The following ELP1 variants were observed in gnomAD, a reference collection of about 807,000 sequenced individuals.
The protein encoded by ELP1 is elongator acetyltransferase complex subunit 1.
In ELP1, 131 loss-of-function variants were observed where a neutral mutation model predicts 183.2. That is an observed-to-expected ratio of 0.72 (90% CI 0.62 to 0.83). The LOEUF (loss-of-function observed/expected upper bound fraction) is 0.83, where lower values mean the gene tolerates loss of function less well. ELP1 is among the 40% of genes least tolerant of loss of function. The pLI, the probability that ELP1 is intolerant of heterozygous loss-of-function variation, is 0.00. For synonymous variants in ELP1, 555 were observed against 569.0 expected, an observed-to-expected ratio of 0.98 and a Z score of 0.35; for missense variants, 1,550 against 1,594.9, an observed-to-expected ratio of 0.97 and a Z score of 0.48.
chr9:108,930,230 G>A (rs984755851), intron 2 of ELP1, among the ~76,000 whole-genome samples: 2 of 152,080 alleles, frequency 1.3e-5, no homozygotes, highest in African/African-American at 4.8e-5. Context: ...TATAGTATGG[G>A]GAAAAGGCAC....
intron 13 of ELP1, 25 bp downstream of exon 13, chr9:108,908,280 A>G (rs1370250345): frequency 1.9e-6 from 3 of 1,550,774 alleles, no homozygotes; most frequent in Non-Finnish European, 8.9e-7. Flanking sequence ...CTGTTCCCAG[A>G]AGCCCAAGAT....
intron 5 of ELP1, among the ~76,000 whole-genome samples, chr9:108,926,013 T>A (rs1255602999): frequency 6.6e-6 from 1 of 152,212 alleles, no homozygotes; most frequent in Non-Finnish European, 1.5e-5. Context: ...AGCTACTTTG[T>A]GACTTCAAGA....
chr9:108,880,880 G>C (rs1466404119), intron 31 of ELP1, among the ~76,000 whole-genome samples: 1 of 152,198 alleles, frequency 6.6e-6, no homozygotes, highest in Non-Finnish European at 1.5e-5. Flanking sequence ...GATGGAGGAA[G>C]GGGGTGCAGA....
chr9:108,931,643 C>G (rs1250138050), intron 1 of ELP1, among the ~76,000 whole-genome samples: 1 of 152,166 alleles, frequency 6.6e-6, no homozygotes. Context: ...TGAAGAGAAT[C>G]TGAAATGACT....
chr9:108,921,656 TG>T (rs1392247256), intron 6 of ELP1, among the ~76,000 whole-genome samples: 1 of 152,136 alleles, frequency 6.6e-6, no homozygotes, highest in Non-Finnish European at 1.5e-5. Flanking sequence ...GCAGTTGTAG[TG>T]GATCACCCCC....
chr9:108,880,231 G>A (rs907873245), intron 31 of ELP1, 66 bp from the exon 32 acceptor site: 5 of 1,060,246 alleles, frequency 4.7e-6, no homozygotes, highest in Non-Finnish European at 7.4e-6. Flanking sequence ...ACTAAAGGCG[G>A]GGAGCAGTGA....
At chr9:108,917,813 T>C in intron 8 of ELP1, 143 bp from the exon 9 acceptor site, 1 of 928,108 alleles carries the variant, frequency 1.1e-6, no homozygotes, top group Non-Finnish European at 1.7e-6. Flanking sequence ...AAGTTTTAAA[T>C]CCCATGTGTC....
In ELP1 at chr9:108,874,887, A is replaced by G. The variant is rs1419758592; in HGVS notation, c.3931+8T>C. ...GTATTGTAATATTAAATGAGAAAAA[A>G]TACTAACCAAGAACAGGAACCGAAG... is the stretch of plus-strand genomic sequence containing the variant. On this transcript the variant is annotated splice_region_variant and intron_variant, in intron 36 of 36. Transcript: ENST00000374647. The G allele has an allele frequency of 1.5e-5, 24 of 1,580,924 alleles. No individual in the cohort carries two copies. Among genetic ancestry groups the G allele is most frequent in the Non-Finnish European group, 2.0e-5 (23 of 1,150,086 alleles).
At chr9:108,900,576 C>T (rs1388577610) in intron 18 of ELP1, among the ~76,000 whole-genome samples, 1 of 152,210 alleles carries the variant, frequency 6.6e-6, no homozygotes, top group African/African-American at 2.4e-5. Flanking sequence ...TCTTACAGAG[C>T]CCTCATGCAC....
intron 18 of ELP1, 61 bp from the exon 19 acceptor site, chr9:108,900,436 C>T: frequency 8.9e-7 from 1 of 1,119,346 alleles, no homozygotes; most frequent in South Asian, 1.2e-5. Flanking sequence ...CCATTAACTG[C>T]AATTGAAACC....
At chr9:108,929,260 A>C (rs137862021) in intron 3 of ELP1, among the ~76,000 whole-genome samples, 1 of 152,246 alleles carries the variant, frequency 6.6e-6, no homozygotes, top group East Asian at 1.9e-4. Flanking sequence ...TCAACTATAC[A>C]CTAAAGTAGA....
chr9:108,873,212 C>G (rs1827554914), intron 36 of ELP1, among the ~76,000 whole-genome samples: 1 of 152,164 alleles, frequency 6.6e-6, no homozygotes, highest in Non-Finnish European at 1.5e-5. Flanking sequence ...TTATGTAATA[C>G]TAAATTTTTG....
rs1417685633 is a variant in ELP1 at position 108,927,463 on chromosome 9, A to T, written c.304-10T>A. ...TCCCAACACACTCCAGCTGAGACAG[A>T]GAAAATTGAAAAGAGAGATTCAAAC... On this transcript the variant is annotated splice_polypyrimidine_tract_variant and intron_variant, in intron 3 of 36. Transcript: ENST00000374647. 3.1e-6 allele frequency: 5 copies of T among 1,608,836 alleles called. No individual in the cohort carries two copies. Among genetic ancestry groups the T allele is most frequent in the African/African-American group, 1.3e-5 (1 of 74,850 alleles).
chr9:108,895,792 T>G (rs979415343), intron 25 of ELP1, among the ~76,000 whole-genome samples: 3 of 152,086 alleles, frequency 2.0e-5, no homozygotes, highest in African/African-American at 4.8e-5. Flanking sequence ...TCATAGCAAA[T>G]GTACCAACAT....
intron 26 of ELP1, 56 bp from the exon 27 acceptor site, chr9:108,893,139 C>T (rs1012063841): frequency 8.4e-7 from 1 of 1,188,010 alleles, no homozygotes. Context: ...GCATAATGGA[C>T]TTCATTTATA....
intron 31 of ELP1, among the ~76,000 whole-genome samples, chr9:108,880,843 A>G (rs1458205977): frequency 1.3e-5 from 2 of 152,226 alleles, no homozygotes; most frequent in African/African-American, 4.8e-5. Flanking sequence ...AATGACATAA[A>G]AAGTACCCCA....
rs139405317 is a variant in ELP1 at position 108,913,244 on chromosome 9, T to C, written c.959-750A>G. Among the ~76,000 whole-genome samples, 126 of 152,296 alleles carry C rather than the reference T, an allele frequency of 8.3e-4. 1 individual carries two copies. In the East Asian group the frequency reaches 0.017, roughly 20 times the overall value. On this transcript the variant is annotated intron_variant, in intron 10 of 36. Coordinates refer to ENST00000374647, the MANE Select transcript of ELP1 (RefSeq NM_003640.5). Reference sequence around the variant, plus strand: ...TAGCATCATTGTGTTGTATTGGGCTTAAGATGCTTATTTTCTTTCAGGTGC... The same window carrying C: ...TAGCATCATTGTGTTGTATTGGGCTCAAGATGCTTATTTTCTTTCAGGTGC...
At position 108,931,012 on chromosome 9, in the gene ELP1, G is replaced by T. The variant is rs1264033111; in HGVS notation, c.135C>A (p.Asp45Glu). 9.9e-6 allele frequency: 16 copies of T among 1,613,952 alleles called. 1 individual carries two copies. The highest frequency in any genetic ancestry group is 3.3e-4 in the Middle Eastern group (2 of 6,084). ...IGSEHGLIEV[D>E]PVSREVKNEV... ...AGTAACTTACTTCTCTTGAGACAGG[G>T]TCTACTTCTATCAGGCCATGTTCTG... is the stretch of plus-strand genomic sequence containing the variant. Residue 45 changes from aspartate to glutamate, a missense_variant, in exon 2 of 37, where the codon GAC (aspartate) becomes GAA (glutamate). Physicochemically the swap from Asp to Glu is conservative, Grantham distance 45. Coordinates refer to ENST00000374647, the MANE Select transcript of ELP1 (RefSeq NM_003640.5).
chr9:108,903,411 C>T, intron 15 of ELP1, 152 bp downstream of exon 15: 1 of 656,698 alleles, frequency 1.5e-6, no homozygotes, highest in African/African-American at 1.8e-5. Context: ...GAGTAGAATA[C>T]ACTTGCCAAT....
Sources: allele counts gnomAD v4.1 joint callset (sites outside exome capture counted in the v4.1 genomes callset), GRCh38; gene constraint gnomAD v4.1.1; transcripts MANE v1.5; gene names NCBI Gene and HGNC (gene_info 2026-07-23, HGNC 2026-07-21).